SLC12A5: variants seen among roughly 807,000 people sequenced by gnomAD.
SLC12A5 encodes K-Cl cotransporter 2.
A neutral mutation model predicts 124.0 loss-of-function variants in SLC12A5; 18 were observed. The observed-to-expected ratio is 0.15, with a 90% confidence interval of 0.10 to 0.22. The LOEUF (loss-of-function observed/expected upper bound fraction) is 0.22, where lower values mean the gene tolerates loss of function less well. SLC12A5 is among the 10% of genes least tolerant of loss of function. SLC12A5 has a pLI of 1.00. For missense variants in SLC12A5, 867 were observed against 1,478.7 expected (o/e 0.59, Z 6.78); for synonymous variants, 589 against 568.0 (o/e 1.04, Z -0.53).
At chr20:46,035,307 T>C in intron 2 of SLC12A5, 97 bp from the exon 3 acceptor site, 1 of 1,461,502 alleles carries the variant, frequency 6.8e-7, no homozygotes, top group South Asian at 1.3e-5. Flanking sequence ...CTGAATAGTT[T>C]CGTGCTCCTT....
chr20:46,041,617 C>T lies in SLC12A5; in HGVS notation c.1066+77C>T, dbSNP rs1049937688. On this transcript the variant is annotated intron_variant, in intron 8 of 25. Coordinates refer to ENST00000243964, the MANE Select transcript of SLC12A5 (RefSeq NM_020708.5). ...GTTAAGCGGTCAGGATTAAGGGGCC[C>T]TCCTTGGGATTCAGCTAAATTCAAT... 19 of 1,474,776 alleles carry T rather than the reference C, an allele frequency of 1.3e-5. No individual in the cohort carries two copies. The African/African-American group carries it at 1.8e-4, about 14-fold the overall frequency. The allele number at this position is 1,474,776 out of a possible 1,614,324, so 91.4% of individuals were successfully genotyped here. A position where few individuals can be genotyped will look rare whatever the true frequency, so the allele number is the denominator to read the frequency against.
chr20:46,047,022 G>A (rs572366619), intron 14 of SLC12A5, among the ~76,000 whole-genome samples: 4 of 152,222 alleles, frequency 2.6e-5, no homozygotes, highest in East Asian at 1.9e-4. Flanking sequence ...GCAAGGGACC[G>A]GCCCAAGGTC....
chr20:46,026,569 G>A (rs576639860), upstream of SLC12A5, among the ~76,000 whole-genome samples: 1 of 152,358 alleles, frequency 6.6e-6, no homozygotes, highest in African/African-American at 2.4e-5. Context: ...CCCCCCTTGG[G>A]ACTGTCTGCT....
rs1488472938 is a variant in SLC12A5 at position 46,043,516 on chromosome 20, C to T, written c.1238-117C>T. 4 of 1,219,604 alleles carry T rather than the reference C, an allele frequency of 3.3e-6. No homozygotes were observed. The East Asian group carries it at 9.4e-5, about 29-fold the overall frequency. The allele number at this position is 1,219,604 out of a possible 1,614,324, so 75.5% of individuals were successfully genotyped here. A position where few individuals can be genotyped will look rare whatever the true frequency, so the allele number is the denominator to read the frequency against. ...TAACATGTCCAAGGTCTCACACAAG[C>T]CAGTATGTTAGGACTAGATCCCAGA... On this transcript the variant is annotated intron_variant, in intron 9 of 25. Transcript: ENST00000243964.
At position 46,045,843 on chromosome 20, in the gene SLC12A5, A is replaced by C; in HGVS notation, c.1570-35A>C. 2 of 1,570,238 alleles carry C rather than the reference A, an allele frequency of 1.3e-6. No homozygotes were observed. ...AGGGGAGAGGGCTGAGAAATCCTTGAGGTCTCAGTCCCATGATGATTGCTC... is the reference window on the plus strand; with the variant it reads ...AGGGGAGAGGGCTGAGAAATCCTTGCGGTCTCAGTCCCATGATGATTGCTC... On this transcript the variant is annotated intron_variant, in intron 12 of 25. Transcript: ENST00000243964. The surrounding 1 kb of genome is among the most constrained non-coding windows in gnomAD (Gnocchi z 4.9).
At chr20:46,040,941 C>A (rs1311746785) in intron 7 of SLC12A5, 30 of 417,204 alleles carry the variant, frequency 7.2e-5, no homozygotes, top group Non-Finnish European at 3.1e-5. Context: ...GGGACAACCT[C>A]CTGGAATGGG....
chr20:46,027,112 G>C (rs2084405959), upstream of SLC12A5, among the ~76,000 whole-genome samples: 1 of 152,226 alleles, frequency 6.6e-6, no homozygotes, highest in Non-Finnish European at 1.5e-5. Context: ...GCTGCTGCTA[G>C]TGCTGTGTGT....
rs2084503321 is a variant in SLC12A5 at position 46,036,856 on chromosome 20, T to C, written c.481+61T>C. 2.2e-5 allele frequency: 35 copies of C among 1,594,562 alleles called. No individual in the cohort carries two copies. In the South Asian group the frequency reaches 3.8e-4, roughly 17 times the overall value. ...CTGGGTGGAAGGAGGGATAGTGCCC[T>C]GGGCTTTGGGGGACATCAAGGCCCA... On this transcript the variant is annotated intron_variant, in intron 5 of 25. Transcript: ENST00000243964.
intron 8 of SLC12A5, among the ~76,000 whole-genome samples, chr20:46,041,977 A>C (rs74354987): frequency 0.029 from 4,408 of 152,178 alleles, 167 homozygotes; most frequent in Admixed American, 0.12. Flanking sequence ...CCTGGACTCA[A>C]CTGAGGAGGG....
chr20:46,043,077 C>A lies in SLC12A5; in HGVS notation c.1067-76C>A, dbSNP rs1339887364. 1.3e-5 allele frequency: 19 copies of A among 1,473,762 alleles called. No homozygotes were observed. The Admixed American group carries it at 2.2e-4, about 17-fold the overall frequency. The allele number at this position is 1,473,762 out of a possible 1,614,324, so 91.3% of individuals were successfully genotyped here. A position where few individuals can be genotyped will look rare whatever the true frequency, so the allele number is the denominator to read the frequency against. On this transcript the variant is annotated intron_variant, in intron 8 of 25. Transcript: ENST00000243964. ...GTTGATCTTGACCCTGACTTTTTGC[C>A]CCCTCCCACCTCCTGGTCCCAGAGC... is the stretch of plus-strand genomic sequence containing the variant.
At position 46,046,451 on chromosome 20, in the gene SLC12A5, C is replaced by T; in HGVS notation, c.1787+15C>T. 1 of 1,610,782 alleles carries T rather than the reference C, an allele frequency of 6.2e-7. No individual in the cohort carries two copies. The highest frequency in any genetic ancestry group is 1.3e-5 in the African/African-American group (1 of 74,950). ...TATTACCACTGGTGGGTGCTCTGTC[C>T]CCACACTTCCACTGAGCCACTTGCT... is the stretch of plus-strand genomic sequence containing the variant. On this transcript the variant is annotated intron_variant, in intron 14 of 25. Transcript: ENST00000243964.
chr20:46,029,798 C>A (rs1450732559), intron 1 of SLC12A5, among the ~76,000 whole-genome samples: 3 of 151,688 alleles, frequency 2.0e-5, no homozygotes, highest in Non-Finnish European at 2.9e-5. Flanking sequence ...AGCCGGGGGG[C>A]GCAGTCTGCT....
rs1555868924 is a variant in SLC12A5, at chr20:46,058,960, T to C, written c.*1355T>C. 2.6e-6 allele frequency: 1 copy of C among 384,590 alleles called. No individual in the cohort carries two copies. Among genetic ancestry groups the C allele is most frequent in the Non-Finnish European group, 4.6e-6 (1 of 217,946 alleles). 23.8% of individuals were successfully genotyped at this position (384,590 alleles called of 1,614,324 possible). ...AGGGAGGGCTGGAGTCGCACGCGCT[T>C]TGTCCTTAGCGCCTGTCTGCTCTCC... On this transcript the variant is annotated 3_prime_UTR_variant, in exon 26 of 26. Transcript: ENST00000243964. This position sits in a 1 kb window ranked among gnomAD's most constrained non-coding sequence, Gnocchi z 5.8.
chr20:46,040,838 T>C (rs2084539441), intron 7 of SLC12A5: 3 of 630,690 alleles, frequency 4.8e-6, no homozygotes, highest in Admixed American at 6.4e-5. Flanking sequence ...AAGAGTCAAC[T>C]TCTTGCTGGT....
intron 7 of SLC12A5, 200 bp downstream of exon 7, chr20:46,040,814 A>T: frequency 4.0e-6 from 3 of 750,532 alleles, no homozygotes; most frequent in Non-Finnish European, 6.2e-6. Flanking sequence ...GGAGGAGGGA[A>T]CAATTTACCT....
Position 46,056,953 on chromosome 20 carries a change from C to A in SLC12A5, c.3125+42C>A. 2 of 1,613,692 alleles carry A rather than the reference C, an allele frequency of 1.2e-6. No homozygotes were observed. The highest frequency in any genetic ancestry group is 1.7e-6 in the Non-Finnish European group (2 of 1,179,730). The stretch of plus-strand genomic sequence containing the variant: ...TTTTTCATTCTCTCTCCTAGGATGG[C>A]CAGGGTCCCTACCCTCCTCACTCTG... On this transcript the variant is annotated intron_variant, in intron 24 of 25. Transcript: ENST00000243964. The surrounding 1 kb of genome is among the most constrained non-coding windows in gnomAD (Gnocchi z 4.3).
chr20:46,052,734 G>T (rs2084656728), intron 18 of SLC12A5, among the ~76,000 whole-genome samples: 1 of 152,128 alleles, frequency 6.6e-6, no homozygotes, highest in Non-Finnish European at 1.5e-5. Flanking sequence ...TGACAGGTGG[G>T]GAAACTGAGG....
chr20:46,023,670 T>A (rs2084374183), downstream of SLC12A5: 3 of 388,134 alleles, frequency 7.7e-6, no homozygotes, highest in Non-Finnish European at 1.4e-5. Flanking sequence ...TCCTATTCGT[T>A]CTGTAAGTTA....
chr20:46,044,656 G>A (rs2084577735), intron 11 of SLC12A5: 3 of 385,144 alleles, frequency 7.8e-6, no homozygotes, highest in Non-Finnish European at 9.5e-6. Context: ...GCCGGGTGGT[G>A]TAGGAGGTCC....
Sources: allele counts gnomAD v4.1 joint callset (sites outside exome capture counted in the v4.1 genomes callset), GRCh38; gene constraint gnomAD v4.1.1; non-coding constraint Gnocchi (gnomAD v3.1); transcripts MANE v1.5; gene names NCBI Gene and HGNC (gene_info 2026-07-23, HGNC 2026-07-21).